Variants in TAFA2 observed in about 807,000 individuals in gnomAD.
TAFA2 encodes the protein chemokine-like protein TAFA-2.
TAFA2 carries 7 observed loss-of-function variants against 18.8 expected under a neutral mutation model. The ratio of observed to expected loss-of-function variants is 0.37; its 90% CI spans 0.21 to 0.70. The LOEUF is 0.70. Among genes scored for constraint, TAFA2 ranks in the 30% least tolerant of loss-of-function variants. TAFA2 has a pLI of 0.53. For missense variants in TAFA2, 122 were observed against 158.1 expected (o/e 0.77, Z 1.23); for synonymous variants, 60 against 54.2 (o/e 1.11, Z -0.47).
chr12:62,119,845 G>T (rs566042288), intron 1 of TAFA2, among the ~76,000 whole-genome samples: 10 of 152,054 alleles, frequency 6.6e-5, no homozygotes, highest in African/African-American at 2.2e-4. Context: ...AGGCCGAGAC[G>T]GTTGGATCAC....
intron 2 of TAFA2, among the ~76,000 whole-genome samples, chr12:61,803,051 T>C (rs1278597886): frequency 6.6e-6 from 1 of 151,986 alleles, no homozygotes; most frequent in Non-Finnish European, 1.5e-5. Context: ...GGGAAAAAAC[T>C]GTTCTGTTTT....
intron 2 of TAFA2, among the ~76,000 whole-genome samples, chr12:61,833,549 A>G (rs1872797525): frequency 1.3e-5 from 2 of 152,034 alleles, no homozygotes; most frequent in African/African-American, 4.8e-5. Flanking sequence ...TCTCTATTCA[A>G]TAATATTGAT....
intron 1 of TAFA2, among the ~76,000 whole-genome samples, chr12:62,109,046 T>C (rs1336177125): frequency 2.6e-5 from 4 of 152,210 alleles, no homozygotes; most frequent in African/African-American, 4.8e-5. Flanking sequence ...AGTCATTAAG[T>C]CTTTGCCCAT....
intron 1 of TAFA2, among the ~76,000 whole-genome samples, chr12:62,017,806 T>C (rs1880988982): frequency 6.6e-6 from 1 of 152,166 alleles, no homozygotes; most frequent in African/African-American, 2.4e-5. Context: ...TGCAATTCAC[T>C]CAATAAAAGA....
chr12:61,929,745 G>A (rs1877472896), intron 1 of TAFA2, among the ~76,000 whole-genome samples: 1 of 151,856 alleles, frequency 6.6e-6, no homozygotes, highest in South Asian at 2.1e-4. Context: ...GCAAAGACTT[G>A]GAACCAACCC....
intron 4 of TAFA2, among the ~76,000 whole-genome samples, chr12:61,722,095 T>A (rs570883396): frequency 1.3e-5 from 2 of 152,136 alleles, no homozygotes; most frequent in Non-Finnish European, 2.9e-5. Flanking sequence ...AAATAATAAA[T>A]CGTATGTAAA....
chr12:62,090,602 T>C (rs1271048421), intron 1 of TAFA2, among the ~76,000 whole-genome samples: 36 of 152,008 alleles, frequency 2.4e-4, no homozygotes, highest in Non-Finnish European at 4.4e-5. Context: ...TCACTACCAA[T>C]CTTAGCACCA....
intron 1 of TAFA2, among the ~76,000 whole-genome samples, chr12:61,989,404 G>C (rs1879924990): frequency 7.2e-6 from 1 of 139,366 alleles, no homozygotes; most frequent in African/African-American, 2.7e-5. Context: ...CCCTAAAAGA[G>C]CAAAACATTG....
At chr12:62,147,422 A>G (rs1460797688) in intron 1 of TAFA2, among the ~76,000 whole-genome samples, 1 of 146,742 alleles carries the variant, frequency 6.8e-6, no homozygotes, top group Non-Finnish European at 1.5e-5. Flanking sequence ...TTAACCAAAG[A>G]GCTTCTGCAC....
chr12:61,966,903 G>C (rs970049482), intron 1 of TAFA2, among the ~76,000 whole-genome samples: 2 of 151,786 alleles, frequency 1.3e-5, no homozygotes, highest in Non-Finnish European at 2.9e-5. Context: ...CTTGTGTTTT[G>C]CCAGTCAATG....
At chr12:61,811,209 C>A (rs1871855047) in intron 2 of TAFA2, among the ~76,000 whole-genome samples, 1 of 151,174 alleles carries the variant, frequency 6.6e-6, no homozygotes, top group African/African-American at 2.5e-5. Context: ...TATAATTTGG[C>A]TAACATTTAT....
chr12:61,989,601 G>A (rs74096154), intron 1 of TAFA2, among the ~76,000 whole-genome samples: 3,353 of 152,210 alleles, frequency 0.022, 128 homozygotes, highest in African/African-American at 0.077. Flanking sequence ...GCCAGGGCCC[G>A]CTCACGGCTT....
At chr12:62,073,112 A>G (rs1017901614) in intron 1 of TAFA2, among the ~76,000 whole-genome samples, 1 of 152,362 alleles carries the variant, frequency 6.6e-6, no homozygotes, top group Non-Finnish European at 1.5e-5. Context: ...TGCCATATCC[A>G]GTTTATAGTA....
intron 2 of TAFA2, among the ~76,000 whole-genome samples, chr12:61,860,582 G>A (rs967039659): frequency 6.6e-6 from 1 of 151,984 alleles, no homozygotes; most frequent in African/African-American, 2.4e-5. Context: ...GGCTAACTGT[G>A]CATCACCATC....
intron 1 of TAFA2, among the ~76,000 whole-genome samples, chr12:62,147,322 GTATGTA>G (rs1204368268): frequency 0.031 from 1,523 of 49,204 alleles, 35 homozygotes; most frequent in South Asian, 0.042. Context: ...GTGTGTGTAT[GTATGTA>G]TATATATATA....
intron 1 of TAFA2, among the ~76,000 whole-genome samples, chr12:62,064,653 C>G (rs1238511447): frequency 1.3e-5 from 2 of 152,018 alleles, no homozygotes; most frequent in Admixed American, 6.6e-5. Flanking sequence ...TGTTTCTGTT[C>G]AATATCATTA....
At chr12:62,002,102 T>C (rs941233508) in intron 1 of TAFA2, among the ~76,000 whole-genome samples, 2 of 152,202 alleles carry the variant, frequency 1.3e-5, no homozygotes, top group Admixed American at 6.5e-5. Flanking sequence ...CTTCAGAGAC[T>C]GGTGATAATA....
intron 2 of TAFA2, among the ~76,000 whole-genome samples, chr12:61,825,364 T>C (rs987744040): frequency 2.6e-5 from 4 of 152,062 alleles, no homozygotes; most frequent in Non-Finnish European, 5.9e-5. Flanking sequence ...TTAAAGGGAA[T>C]AGAATTATCA....
chr12:62,131,735 C>A (rs781704324), intron 1 of TAFA2, among the ~76,000 whole-genome samples: 5 of 151,836 alleles, frequency 3.3e-5, no homozygotes, highest in Non-Finnish European at 5.9e-5. Context: ...TTTTAATGTT[C>A]TTTTTTAATC....
Sources: allele counts gnomAD v4.1 joint callset (sites outside exome capture counted in the v4.1 genomes callset), GRCh38; gene constraint gnomAD v4.1.1; transcripts MANE v1.5; gene names NCBI Gene and HGNC (gene_info 2026-07-23, HGNC 2026-07-21).